The following FRG1 variants were observed in gnomAD, a reference collection of about 807,000 sequenced individuals.
FRG1 encodes protein FRG1.
In FRG1, 19 loss-of-function variants were observed where a neutral mutation model predicts 37.0. The ratio of observed to expected loss-of-function variants is 0.51; its 90% confidence interval spans 0.36 to 0.75. The LOEUF is 0.75. FRG1 is among the 30% of genes least tolerant of loss of function. The pLI is 0.00. For missense variants in FRG1, 243 were observed against 301.4 expected, an observed-to-expected ratio of 0.81 and a Z score of 1.44; for synonymous variants, 73 against 96.5, an observed-to-expected ratio of 0.76 and a Z score of 1.43.
At chr4:189,961,000 C>G (rs1737204617) in intron 7 of FRG1, 161 bp downstream of exon 7, 2 of 709,674 alleles carry the variant, frequency 2.8e-6, no homozygotes, top group South Asian at 1.9e-5. Flanking sequence ...CCCAGGAGTT[C>G]AAGGCTGCAG....
rs545144066 is a variant in FRG1 at position 189,946,709 on chromosome 4, T to C, written c.133+3437T>C. ...AAAGTATATTGTTTTTAATTTCTAC[T>C]ACATAGAGATATTATAGGTATGTTA... is the stretch of plus-strand genomic sequence containing the variant. On this transcript the variant is annotated intron_variant, in intron 2 of 8. Transcript: ENST00000226798. Among the ~76,000 whole-genome samples, 1,380 of 152,332 alleles carry C rather than the reference T, an allele frequency of 9.1e-3. 30 individuals carry two copies. Among genetic ancestry groups the C allele is most frequent in the African/African-American group, 0.031 (1,306 of 41,564 alleles).
At position 189,955,065 on chromosome 4, in the gene FRG1, T is replaced by C. The variant is rs781309313; in HGVS notation, c.346T>C (p.Tyr116His). 8 of 1,613,068 alleles carry C rather than the reference T, an allele frequency of 5.0e-6. No homozygotes were observed. Among genetic ancestry groups the C allele is most frequent in the Non-Finnish European group, 6.8e-6 (8 of 1,179,084 alleles). Residue 116 changes from tyrosine (Y) to histidine (H), a missense_variant, in exon 5 of 9, where the codon TAT becomes CAT. Physicochemically the swap from Tyr to His is moderately conservative, Grantham distance 83. Around this residue, in one of 2 missense-constraint regions of FRG1, gnomAD observed 133 missense variants for 199.3 expected, o/e 0.67. Transcript: ENST00000226798. ...CGCCCTGAAGTCTGGCTATGGAAAA[T>C]ATCTTGGTATAAATTCAGATGGACT... ...RIALKSGYGK[Y>H]LGINSDGLVV... is the part of the protein sequence containing the mutation.
intron 5 of FRG1, among the ~76,000 whole-genome samples, chr4:189,956,466 A>G (rs552504261): frequency 6.6e-6 from 1 of 152,326 alleles, no homozygotes; most frequent in South Asian, 2.1e-4. Flanking sequence ...AAAAATTTAA[A>G]TTTAAATGAA....
intron 4 of FRG1, among the ~76,000 whole-genome samples, chr4:189,953,663 A>G (rs1237589551): frequency 6.6e-6 from 1 of 152,138 alleles, no homozygotes; most frequent in Non-Finnish European, 1.5e-5. Flanking sequence ...TTACATCAAT[A>G]TGATAATGAT....
Position 189,963,182 on chromosome 4 carries a change from T to G in FRG1, c.*53T>G. 1.4e-6 allele frequency: 2 copies of G among 1,460,826 alleles called. No individual in the cohort carries two copies. Among genetic ancestry groups the G allele is most frequent in the Non-Finnish European group, 1.9e-6 (2 of 1,044,786 alleles). 90.5% of individuals were successfully genotyped at this position (1,460,826 alleles called of 1,614,324 possible). ...TCTGTGTTTTTTTCTGAATAAAATA[T>G]TCAGAGGAAATGCTTTTACAGAGTT... On this transcript the variant is annotated 3_prime_UTR_variant, in exon 9 of 9. Coordinates refer to ENST00000226798, the MANE Select transcript of FRG1 (RefSeq NM_004477.3).
intron 2 of FRG1, among the ~76,000 whole-genome samples, 192 bp from the exon 3 acceptor site, chr4:189,951,969 TC>T (rs1736772601): frequency 6.6e-6 from 1 of 152,234 alleles, no homozygotes; most frequent in African/African-American, 2.4e-5. Context: ...AATTTCAGTT[TC>T]CTGATTCTGA....
rs4257692 is a variant in FRG1, at chr4:189,960,918, C to T, written c.629+79C>T. On this transcript the variant is annotated intron_variant, in intron 7 of 8. Transcript: ENST00000226798. ...AAGTGCTTTCAAAATAAATTACCTA[C>T]TTAGCTGGGCATGGTGGTACATGCC... The T allele has an allele frequency of 3.3e-6, 5 of 1,517,228 alleles. No homozygotes were observed. In the African/African-American group the frequency reaches 5.5e-5, roughly 17 times the overall value. 94.0% of individuals were successfully genotyped at this position (1,517,228 alleles called of 1,614,324 possible).
At chr4:189,949,051 G>A (rs1736648107) in intron 2 of FRG1, among the ~76,000 whole-genome samples, 1 of 152,120 alleles carries the variant, frequency 6.6e-6, no homozygotes, top group Non-Finnish European at 1.5e-5. Context: ...CAACACAGCA[G>A]GAATATTTCA....
chr4:189,941,494 G>A (rs1736299537), intron 1 of FRG1, among the ~76,000 whole-genome samples: 1 of 152,172 alleles, frequency 6.6e-6, no homozygotes, highest in South Asian at 2.1e-4. Context: ...GTGAAACCAG[G>A]ATGAATCACA....
Position 189,941,060 on chromosome 4 carries a change from C to A in FRG1, c.51C>A (p.Thr17=). ...CTACCAAGCTCGTGCTCAAGGGAAC[C>A]AAGACGAAGAGGTGGGTCCTGCAGC... ...VKSTKLVLKG[T]KTKSKKKKSK... is the part of the protein sequence containing the mutation. The change falls in exon 1 of 9, where the codon ACC becomes ACA. Residue 17 remains threonine (T), a synonymous_variant. Coordinates refer to ENST00000226798, the MANE Select transcript of FRG1 (RefSeq NM_004477.3). 1.9e-6 allele frequency: 3 copies of A among 1,614,036 alleles called. No homozygotes were observed. Among genetic ancestry groups the A allele is most frequent in the Non-Finnish European group, 1.7e-6 (2 of 1,179,906 alleles).
intron 5 of FRG1, among the ~76,000 whole-genome samples, chr4:189,956,453 T>G (rs530973194): frequency 6.6e-6 from 1 of 152,150 alleles, no homozygotes; most frequent in Non-Finnish European, 1.5e-5. Context: ...GACACTAAGT[T>G]TCAAAAATTT....
At chr4:189,957,905 A>G (rs959068819) in intron 6 of FRG1, among the ~76,000 whole-genome samples, 33 of 152,242 alleles carry the variant, frequency 2.2e-4, no homozygotes, top group African/African-American at 7.9e-4. Context: ...CGTCTTACTC[A>G]CCTGTGTCCC....
intron 6 of FRG1, 41 bp downstream of exon 6, chr4:189,957,543 G>C (rs1737038368): frequency 6.3e-7 from 1 of 1,577,100 alleles, no homozygotes; most frequent in Non-Finnish European, 8.7e-7. Flanking sequence ...ATTCACACAT[G>C]CGATGTGACT....
rs202104107 is a variant in FRG1 at position 189,955,117 on chromosome 4, G to A, written c.398G>A (p.Gly133Glu). The stretch of plus-strand genomic sequence containing the variant: ...GTTGTTGGGCGTTCAGATGCAATTG[G>A]ACCAAGAGAACAATGGGAACCAGTC... ...GLVVGRSDAIGPREQWEPVFQ... is the reference protein window; with the variant it reads ...GLVVGRSDAIEPREQWEPVFQ... The change falls in exon 5 of 9, where the codon GGA (glycine) becomes GAA (glutamate). Residue 133 changes from glycine (G) to glutamate (E), a missense_variant. This residue lies in a region of FRG1 where 133 missense variants were observed against 199.3 expected (regional missense o/e 0.67). Coordinates refer to ENST00000226798, the MANE Select transcript of FRG1 (RefSeq NM_004477.3). 1 of 1,612,938 alleles carries A rather than the reference G, an allele frequency of 6.2e-7. No homozygotes were observed. Among genetic ancestry groups the A allele is most frequent in the Non-Finnish European group, 8.5e-7 (1 of 1,179,124 alleles).
intron 6 of FRG1, among the ~76,000 whole-genome samples, chr4:189,959,497 A>G (rs925300358): frequency 6.6e-6 from 1 of 152,182 alleles, no homozygotes; most frequent in African/African-American, 2.4e-5. Context: ...CACTCTCAAT[A>G]TTTCATAGCA....
At chr4:189,948,643 G>T (rs1225677746) in intron 2 of FRG1, among the ~76,000 whole-genome samples, 2 of 152,142 alleles carry the variant, frequency 1.3e-5, no homozygotes, top group African/African-American at 4.8e-5. Context: ...GAATGAGGGT[G>T]CCCTGGTACT....
At chr4:189,959,843 C>G (rs1357113135) in intron 6 of FRG1, 1 of 978,164 alleles carries the variant, frequency 1.0e-6, no homozygotes, top group African/African-American at 1.8e-5. Flanking sequence ...CATTTAATTG[C>G]AGGCTCTCCT....
rs1252279262 is a variant in FRG1 at position 189,940,890 on chromosome 4, G to A, written c.-120G>A. On this transcript the variant is annotated 5_prime_UTR_variant, in exon 1 of 9. Transcript: ENST00000226798. The stretch of plus-strand genomic sequence containing the variant: ...CGGAGGCGGGTTCTACAGAGACGTA[G>A]GCTGTCAGGGAGTGTTTATTTCGCG... The A allele has an allele frequency of 2.9e-6, 2 of 693,742 alleles. No individual in the cohort carries two copies. The highest frequency in any genetic ancestry group is 2.8e-5 in the East Asian group (1 of 35,994). The allele number at this position is 693,742 out of a possible 1,614,324, so 43.0% of individuals were successfully genotyped here.
At chr4:189,949,859 T>G (rs1486502294) in intron 2 of FRG1, among the ~76,000 whole-genome samples, 3 of 152,162 alleles carry the variant, frequency 2.0e-5, no homozygotes, top group Non-Finnish European at 4.4e-5. Context: ...TCCATTGGTT[T>G]TGTGTGTGTG....
Sources: allele counts gnomAD v4.1 joint callset (sites outside exome capture counted in the v4.1 genomes callset), GRCh38; gene constraint gnomAD v4.1.1; regional missense constraint gnomAD v4.1.1; transcripts MANE v1.5; gene names NCBI Gene and HGNC (gene_info 2026-07-23, HGNC 2026-07-21).